The following CDK6 variants were observed in gnomAD, a reference collection of about 807,000 sequenced individuals.
CDK6 encodes the protein cyclin dependent kinase 6.
Under a neutral mutation model 37.1 loss-of-function variants are expected in CDK6, and 6 were observed. The ratio of observed to expected loss-of-function variants is 0.16; its 90% CI spans 0.09 to 0.32. The LOEUF is 0.32. CDK6 is among the 10% of genes least tolerant of loss of function. CDK6 has a pLI of 1.00. For missense variants in CDK6, 224 were observed against 418.9 expected, an observed-to-expected ratio of 0.53 and a Z score of 4.06; for synonymous variants, 160 against 161.3, an observed-to-expected ratio of 0.99 and a Z score of 0.06.
In CDK6 at chr7:92,833,855, C is replaced by T. The variant is rs1207847885; in HGVS notation, c.-367-165G>A. On this transcript the variant is annotated intron_variant, in intron 1 of 7. Coordinates refer to ENST00000424848, the MANE Select transcript of CDK6 (RefSeq NM_001145306.2). The surrounding 1 kb of genome is among the most constrained non-coding windows in gnomAD (Gnocchi z 6.1). ...GCCGCTTAATCCTTCCTGGTTCCTC[C>T]GAGAAAAGCGAAGTTACTTTTCTTT... 7.5e-6 allele frequency: 3 copies of T among 398,840 alleles called. No homozygotes were observed. Among genetic ancestry groups the T allele is most frequent in the Non-Finnish European group, 1.3e-5 (3 of 226,342 alleles). 24.7% of individuals were successfully genotyped at this position (398,840 alleles called of 1,614,324 possible). A position where few individuals can be genotyped will look rare whatever the true frequency, so the allele number is the denominator to read the frequency against.
intron 3 of CDK6, among the ~76,000 whole-genome samples, chr7:92,732,768 G>A (rs548713568): frequency 1.3e-5 from 2 of 152,290 alleles, no homozygotes; most frequent in East Asian, 3.9e-4. Context: ...TCCTTGATAA[G>A]AGGTGCACAG....
Position 92,808,509 on chromosome 7 carries a change from A to AT in CDK6, c.233+24581dup, listed in dbSNP as rs1302596547. On this transcript the variant is annotated intron_variant, in intron 2 of 7. Coordinates refer to ENST00000424848, the MANE Select transcript of CDK6 (RefSeq NM_001145306.2). ...CTATAAAGTAAATGCTGCTTAAATA[A>AT]TTCACTATTAATTGGACAGGTATTC... Among the ~76,000 whole-genome samples, 7 of 152,356 alleles carry AT rather than the reference A, an allele frequency of 4.6e-5. No individual in the cohort carries two copies. In the East Asian group the frequency reaches 1.3e-3, roughly 29 times the overall value.
At chr7:92,630,804 A>C (rs1034168677) in intron 5 of CDK6, among the ~76,000 whole-genome samples, 4 of 152,168 alleles carry the variant, frequency 2.6e-5, no homozygotes, top group Non-Finnish European at 4.4e-5. Context: ...AGCATTGAAA[A>C]ACTTTAATGA....
Position 92,605,624 on chromosome 7 carries a change from CAT to C in CDK6, c.*9514_*9515del, listed in dbSNP as rs1795409330. 4.3e-6 allele frequency: 1 copy of C among 233,096 alleles called. No homozygotes were observed. Among genetic ancestry groups the C allele is most frequent in the South Asian group, 1.8e-4 (1 of 5,534 alleles). 14.4% of individuals were successfully genotyped at this position (233,096 alleles called of 1,614,324 possible). On this transcript the variant is annotated 3_prime_UTR_variant, in exon 8 of 8. Transcript: ENST00000424848. The stretch of plus-strand genomic sequence containing the variant: ...AGGAGCAAGAGCATTCAGCTCAGAG[CAT>C]TCTGAAGACAGTAGCCTTAGAGATA...
intron 5 of CDK6, among the ~76,000 whole-genome samples, chr7:92,667,626 T>G (rs1796988445): frequency 6.6e-6 from 1 of 150,490 alleles, no homozygotes; most frequent in South Asian, 2.1e-4. Context: ...CTTGGCTCAC[T>G]GCAACCTCTG....
At chr7:92,728,950 T>C (rs1006457373) in intron 3 of CDK6, among the ~76,000 whole-genome samples, 7 of 152,178 alleles carry the variant, frequency 4.6e-5, no homozygotes, top group African/African-American at 1.7e-4. Flanking sequence ...TAAGCATGAC[T>C]GGGGAACCCC....
intron 2 of CDK6, among the ~76,000 whole-genome samples, chr7:92,794,797 CT>C (rs1288428195): frequency 6.6e-6 from 1 of 152,044 alleles, no homozygotes; most frequent in Non-Finnish European, 1.5e-5. Flanking sequence ...AGAGAGTGTA[CT>C]GTATTTTTGG....
At chr7:92,743,088 T>C (rs1798967494) in intron 3 of CDK6, among the ~76,000 whole-genome samples, 1 of 152,188 alleles carries the variant, frequency 6.6e-6, no homozygotes, top group South Asian at 2.1e-4. Flanking sequence ...TTCAAATCCC[T>C]ACATCCTGGG....
chr7:92,683,916 A>G (rs1262261443), intron 4 of CDK6, among the ~76,000 whole-genome samples: 2 of 152,226 alleles, frequency 1.3e-5, no homozygotes, highest in Non-Finnish European at 2.9e-5. Context: ...TTCTGACAAT[A>G]AGAACTGTTA....
At chr7:92,631,635 A>G (rs932997486) in intron 5 of CDK6, among the ~76,000 whole-genome samples, 3 of 152,126 alleles carry the variant, frequency 2.0e-5, no homozygotes, top group Admixed American at 6.5e-5. Flanking sequence ...GGTTAGGTCT[A>G]CATGGTTAAA....
At chr7:92,770,054 T>TA (rs1215833564) in intron 3 of CDK6, among the ~76,000 whole-genome samples, 1 of 152,156 alleles carries the variant, frequency 6.6e-6, no homozygotes, top group Non-Finnish European at 1.5e-5. Context: ...AAAAATTTAA[T>TA]AAAGATGGCA....
At chr7:92,761,976 T>A (rs1273959053) in intron 3 of CDK6, among the ~76,000 whole-genome samples, 1 of 152,234 alleles carries the variant, frequency 6.6e-6, no homozygotes, top group Non-Finnish European at 1.5e-5. Flanking sequence ...GTGGCAACAT[T>A]AAGAAAAGAT....
rs368244056 is a variant in CDK6 at position 92,652,319 on chromosome 7, T to C, written c.647+19107A>G. On this transcript the variant is annotated intron_variant, in intron 5 of 7. Coordinates refer to ENST00000424848, the MANE Select transcript of CDK6 (RefSeq NM_001145306.2). ...TTTGCTGTCTGCCTTAAGGGGACTGTAATTTAGCTACTCCATTTTACGTCT... is the reference window on the plus strand; with the variant it reads ...TTTGCTGTCTGCCTTAAGGGGACTGCAATTTAGCTACTCCATTTTACGTCT... Among the ~76,000 whole-genome samples, 5 of 152,334 alleles carry C rather than the reference T, an allele frequency of 3.3e-5. No individual in the cohort carries two copies. In the East Asian group the frequency reaches 9.6e-4, roughly 29 times the overall value.
intron 5 of CDK6, among the ~76,000 whole-genome samples, chr7:92,625,319 G>A (rs78996485): frequency 1.8e-3 from 278 of 151,272 alleles, no homozygotes; most frequent in Middle Eastern, 6.8e-3. Flanking sequence ...ACACAGTGAA[G>A]TAGAAAGGAA....
At chr7:92,760,008 A>G (rs1387480323) in intron 3 of CDK6, among the ~76,000 whole-genome samples, 1 of 152,156 alleles carries the variant, frequency 6.6e-6, no homozygotes, top group African/African-American at 2.4e-5. Flanking sequence ...TTCACGGACA[A>G]TCTCCCTGTA....
chr7:92,826,594 C>G (rs1477666454), intron 2 of CDK6, among the ~76,000 whole-genome samples: 1 of 151,964 alleles, frequency 6.6e-6, no homozygotes, highest in Non-Finnish European at 1.5e-5. Flanking sequence ...TACATGTTAA[C>G]AAATACAGAG....
At position 92,833,285 on chromosome 7, in the gene CDK6, G is replaced by A. The variant is rs538142754; in HGVS notation, c.39C>T (p.Tyr13=). 496 of 1,608,006 alleles carry A rather than the reference G, an allele frequency of 3.1e-4. 4 individuals are homozygous for A. In the South Asian group the frequency reaches 5.1e-3, roughly 17 times the overall value. Residue 13 remains tyrosine (Y), a synonymous_variant, in exon 2 of 8, where the codon TAC becomes TAT. Transcript: ENST00000424848. The surrounding 1 kb of genome is among the most constrained non-coding windows in gnomAD (Gnocchi z 6.1). The part of the protein sequence containing the change: ...KDGLCRADQQ[Y]ECVAEIGEGA... ...CCTCCCCGATCTCCGCCACGCATTCGTACTGCTGGTCAGCGCGGCACAGGC... is the reference window on the plus strand; with the variant it reads ...CCTCCCCGATCTCCGCCACGCATTCATACTGCTGGTCAGCGCGGCACAGGC...
At chr7:92,665,639 C>T (rs1012807192) in intron 5 of CDK6, among the ~76,000 whole-genome samples, 8 of 152,184 alleles carry the variant, frequency 5.3e-5, no homozygotes, top group Non-Finnish European at 1.0e-4. Flanking sequence ...AATAATATGA[C>T]AGAGAATTGG....
At chr7:92,774,181 T>A (rs1176398844) in intron 3 of CDK6, among the ~76,000 whole-genome samples, 1 of 152,184 alleles carries the variant, frequency 6.6e-6, no homozygotes, top group African/African-American at 2.4e-5. Flanking sequence ...TTACTTAGGC[T>A]TCCCTATAAA....
Sources: gnomAD v4.1 joint callset for allele counts (sites outside exome capture counted in the v4.1 genomes callset) on GRCh38, gnomAD v4.1.1 for gene constraint, Gnocchi (gnomAD v3.1) non-coding constraint, MANE v1.5 for transcripts, NCBI Gene and HGNC (gene_info 2026-07-23, HGNC 2026-07-21) for gene names.